The following ZNF75D variants were observed in gnomAD, a reference collection of about 807,000 sequenced individuals.
ZNF75D encodes zinc finger protein 75.
ZNF75D carries 33 observed loss-of-function variants against 33.3 expected under a neutral mutation model. That is an observed-to-expected ratio of 0.99 (90% CI 0.75 to 1.32). The LOEUF (loss-of-function observed/expected upper bound fraction) is 1.32, where lower values mean the gene tolerates loss of function less well. Ranked by LOEUF, ZNF75D falls within the 40% of genes most tolerant of loss-of-function variation. The probability of loss-of-function intolerance (pLI) is 0.00; values close to 1 mark genes in which losing one functional copy is unlikely to be tolerated. For missense variants in ZNF75D, 338 were observed against 367.5 expected (o/e 0.92, Z 0.66); for synonymous variants, 113 against 130.6 (o/e 0.87, Z 0.92).
At chrX:135,333,413 A>C (rs1361095306) in intron 1 of ZNF75D, among the ~76,000 whole-genome samples, 1 of 111,870 alleles carries the variant, frequency 8.9e-6, no homozygotes, top group Non-Finnish European at 1.9e-5. Context: ...CCTGAGGAAC[A>C]GAGCAGTATA....
chrX:135,290,526 A>G (rs1275180344), intron 6 of ZNF75D, among the ~76,000 whole-genome samples: 2 of 112,525 alleles, frequency 1.8e-5, no homozygotes, highest in African/African-American at 6.5e-5. Flanking sequence ...TTGGAAAAAA[A>G]TTGTATAAAA....
intron 1 of ZNF75D, among the ~76,000 whole-genome samples, chrX:135,271,950 C>T (rs1359934586): frequency 1.8e-5 from 2 of 110,965 alleles, no homozygotes; most frequent in African/African-American, 6.6e-5. Context: ...TGTTTTTAAT[C>T]GCTTCAGTCT....
At chrX:135,293,477 A>C (rs1168485480) in intron 3 of ZNF75D, among the ~76,000 whole-genome samples, 1 of 111,280 alleles carries the variant, frequency 9.0e-6, no homozygotes, top group Non-Finnish European at 1.9e-5. Flanking sequence ...GACTAGGCCC[A>C]CCACCATCAA....
chrX:135,295,260 T>G (rs1463393495), intron 2 of ZNF75D, among the ~76,000 whole-genome samples: 2 of 111,924 alleles, frequency 1.8e-5, no homozygotes, highest in Non-Finnish European at 3.8e-5. Flanking sequence ...ACTTCTTACA[T>G]TTTTTTGTCA....
rs147795953 is a variant in ZNF75D at position 135,292,465 on chromosome X, G to T, written c.420C>A (p.Ala140=). 9.1e-6 allele frequency: 11 copies of T among 1,208,915 alleles called. No individual in the cohort carries two copies. The African/African-American group carries it at 1.8e-4, about 19-fold the overall frequency. Residue 140 remains alanine, a synonymous_variant, in exon 4 of 7, where the codon GCC becomes GCA. Transcript: ENST00000370766. Reference sequence around the variant, plus strand: ...GCACTGCCTCCTTTCCCAGCTCATGGGCTGTGACCTAGAAATAATCCCCAT... The same window carrying T: ...GCACTGCCTCCTTTCCCAGCTCATGTGCTGTGACCTAGAAATAATCCCCAT... ...EPDGTKNEVT[A]HELGKEAVLL... is the part of the protein sequence containing the mutation.
At chrX:135,258,715 A>T (rs781903239) in intron 1 of ZNF75D, among the ~76,000 whole-genome samples, 2 of 111,665 alleles carry the variant, frequency 1.8e-5, no homozygotes, top group Non-Finnish European at 3.8e-5. Context: ...AGATGAGTAG[A>T]TTGCAAAAAT....
intron 1 of ZNF75D, among the ~76,000 whole-genome samples, chrX:135,333,312 T>C (rs1556441058): frequency 8.9e-6 from 1 of 111,833 alleles, no homozygotes; most frequent in East Asian, 2.8e-4. Context: ...CTGCCTCTTA[T>C]TGGCCAAATA....
chrX:135,257,388 C>G (rs923265300), intron 1 of ZNF75D, among the ~76,000 whole-genome samples: 2 of 112,879 alleles, frequency 1.8e-5, no homozygotes, highest in African/African-American at 6.4e-5. Context: ...ACAGAACTCC[C>G]CATGGACCAG....
intron 1 of ZNF75D, among the ~76,000 whole-genome samples, chrX:135,275,578 T>G (rs1556417485): frequency 9.0e-6 from 1 of 111,416 alleles, no homozygotes; most frequent in Non-Finnish European, 1.9e-5. Context: ...TTTTTGTTTC[T>G]AATTTTTATT....
chrX:135,329,970 T>C (rs2084631887), intron 1 of ZNF75D, among the ~76,000 whole-genome samples: 1 of 112,178 alleles, frequency 8.9e-6, no homozygotes. Context: ...AACCTCCATA[T>C]GAATTTGACA....
intron 6 of ZNF75D, among the ~76,000 whole-genome samples, chrX:135,290,415 A>T (rs901497131): frequency 3.6e-5 from 4 of 112,539 alleles, no homozygotes; most frequent in African/African-American, 1.3e-4. Flanking sequence ...ATTCTAACTC[A>T]TTTTAACAAG....
chrX:135,316,544 G>A (rs1279052136), intron 1 of ZNF75D, among the ~76,000 whole-genome samples: 3 of 111,540 alleles, frequency 2.7e-5, no homozygotes, highest in Non-Finnish European at 3.8e-5. Context: ...AAACCTCTTG[G>A]TAGACCTGGA....
chrX:135,297,058 C>T (rs1556423173), intron 1 of ZNF75D: 1 of 111,722 alleles, frequency 9.0e-6, no homozygotes, highest in African/African-American at 3.3e-5. Flanking sequence ...CAGTATTTAC[C>T]AAGTGTTGAG....
At chrX:135,321,766 G>T (rs1292124986) in intron 1 of ZNF75D, among the ~76,000 whole-genome samples, 3 of 111,984 alleles carry the variant, frequency 2.7e-5, no homozygotes, top group African/African-American at 9.8e-5. Flanking sequence ...ACCTGTGGGG[G>T]TTCAATCAGG....
At chrX:135,308,270 AAG>A (rs2084313157) in intron 1 of ZNF75D, among the ~76,000 whole-genome samples, 1 of 112,229 alleles carries the variant, frequency 8.9e-6, no homozygotes, top group South Asian at 3.7e-4. Context: ...CTCAGGGAAA[AAG>A]AGAGAGTGTG....
At chrX:135,282,129 G>A (rs1305457373), downstream of ZNF75D, among the ~76,000 whole-genome samples, 2 of 112,220 alleles carry the variant, frequency 1.8e-5, no homozygotes, top group Non-Finnish European at 3.8e-5. Flanking sequence ...CAGGGAGTTG[G>A]GAGTTTTATC....
At chrX:135,306,128 A>G (rs1339359981) in intron 1 of ZNF75D, among the ~76,000 whole-genome samples, 1 of 110,873 alleles carries the variant, frequency 9.0e-6, no homozygotes, top group East Asian at 2.8e-4. Context: ...AATGCTCAGC[A>G]TGGATTTAGA....
chrX:135,276,076 A>G (rs1260474383), intron 1 of ZNF75D, among the ~76,000 whole-genome samples: 1 of 111,909 alleles, frequency 8.9e-6, no homozygotes, highest in Non-Finnish European at 1.9e-5. Context: ...ATTTCTTACC[A>G]TTCAGACTCT....
intron 1 of ZNF75D, among the ~76,000 whole-genome samples, chrX:135,334,434 C>T (rs782015407): frequency 4.5e-5 from 5 of 112,085 alleles, no homozygotes; most frequent in East Asian, 2.8e-4. Context: ...GACCAACATC[C>T]GTTGTCCTGT....
Sources: gnomAD v4.1 joint callset for allele counts (sites outside exome capture counted in the v4.1 genomes callset) on GRCh38, gnomAD v4.1.1 for gene constraint, MANE v1.5 for transcripts, NCBI Gene and HGNC (gene_info 2026-07-23, HGNC 2026-07-21) for gene names.